Variants in CIP2A observed in about 807,000 individuals in gnomAD.
CIP2A encodes the protein cellular inhibitor of PP2A, also known as protein CIP2A.
A neutral mutation model predicts 110.9 loss-of-function variants in CIP2A; 103 were observed. The observed-to-expected ratio is 0.93, with a 90% confidence interval of 0.79 to 1.09. The LOEUF is 1.09. CIP2A is among the 50% of genes least tolerant of loss of function. The probability of loss-of-function intolerance (pLI) is 0.00; values close to 1 mark genes in which losing one functional copy is unlikely to be tolerated. For missense variants in CIP2A, 1,088 were observed against 1,038.4 expected, an observed-to-expected ratio of 1.05 and a Z score of -0.66; for synonymous variants, 381 against 361.6, an observed-to-expected ratio of 1.05 and a Z score of -0.61.
intron 19 of CIP2A, among the ~76,000 whole-genome samples, chr3:108,553,370 T>C (rs193248114): frequency 8.6e-5 from 13 of 151,948 alleles, no homozygotes; most frequent in Middle Eastern, 3.4e-3. Flanking sequence ...TCAAGCAATC[T>C]ACCCATCTCC....
chr3:108,559,369 A>G (rs1293179154), intron 16 of CIP2A, among the ~76,000 whole-genome samples: 3 of 152,164 alleles, frequency 2.0e-5, no homozygotes, highest in Non-Finnish European at 4.4e-5. Flanking sequence ...TATTTGCTGT[A>G]TATTTAAATG....
At chr3:108,568,015 AAAT>A in intron 10 of CIP2A, 137 bp downstream of exon 10, 1 of 571,908 alleles carries the variant, frequency 1.7e-6, no homozygotes, top group Non-Finnish European at 2.8e-6. Context: ...TCTACAGTTC[AAAT>A]TTTAGTTCAG....
At chr3:108,570,044 G>C (rs1251068902) in intron 8 of CIP2A, among the ~76,000 whole-genome samples, 1 of 151,982 alleles carries the variant, frequency 6.6e-6, no homozygotes, top group African/African-American at 2.4e-5. Flanking sequence ...CCTTCAGGAT[G>C]GTTATTTCCA....
chr3:108,555,437 T>C (rs1410608102), intron 17 of CIP2A, among the ~76,000 whole-genome samples: 2 of 152,064 alleles, frequency 1.3e-5, no homozygotes, highest in Non-Finnish European at 2.9e-5. Flanking sequence ...AACTTAAGAG[T>C]ACCAGTGATA....
intron 9 of CIP2A, among the ~76,000 whole-genome samples, chr3:108,569,067 G>A (rs1374846045): frequency 6.7e-6 from 1 of 148,596 alleles, no homozygotes; most frequent in African/African-American, 2.5e-5. Flanking sequence ...TTGGTAGATG[G>A]CATCTATTGC....
chr3:108,580,657 T>C (rs1295975035), intron 5 of CIP2A, among the ~76,000 whole-genome samples: 2 of 150,732 alleles, frequency 1.3e-5, no homozygotes, highest in African/African-American at 4.9e-5. Context: ...AAGGATGGAG[T>C]CTTACTCTGT....
chr3:108,568,299 C>A lies in CIP2A; in HGVS notation c.1129G>T (p.Ala377Ser). Reference protein sequence around the residue: ...KEIFEDVIDAANCSSADRFVT... With the variant: ...KEIFEDVIDASNCSSADRFVT... ...AAACGATCAGCCGAGGAACAGTTAG[C>A]AGCATCTATGACATCCTGGAGAATT... Residue 377 changes from alanine to serine, a missense_variant, in exon 10 of 21, where the codon GCT becomes TCT. Ala to Ser is a moderately conservative substitution (Grantham distance 99, BLOSUM62 1). Transcript: ENST00000295746. 6.2e-7 allele frequency: 1 copy of A among 1,611,608 alleles called. No individual in the cohort carries two copies. Among genetic ancestry groups the A allele is most frequent in the Middle Eastern group, 1.7e-4 (1 of 6,042 alleles).
At chr3:108,554,518 C>A (rs1200940288) in intron 17 of CIP2A, 29 bp from the exon 18 acceptor site, 2 of 920,798 alleles carry the variant, frequency 2.2e-6, no homozygotes, top group East Asian at 5.2e-5. Flanking sequence ...GAGTTGGCAT[C>A]ATTATGGAGG....
intron 9 of CIP2A, 62 bp downstream of exon 9, chr3:108,569,327 A>C (rs1938304385): frequency 4.2e-6 from 5 of 1,195,922 alleles, no homozygotes; most frequent in African/African-American, 1.5e-5. Context: ...ATGTTTTTGA[A>C]GACAAATTGT....
In CIP2A at chr3:108,573,912, A is replaced by C. The variant is rs559672921; in HGVS notation, c.894+2359T>G. Reference sequence around the variant, plus strand: ...GTACTTCACAACAGACACAAAAGTCACTTGTAGGAAGATTACAGATCTATA... The same window carrying C: ...GTACTTCACAACAGACACAAAAGTCCCTTGTAGGAAGATTACAGATCTATA... On this transcript the variant is annotated intron_variant, in intron 8 of 20. Coordinates refer to ENST00000295746, the MANE Select transcript of CIP2A (RefSeq NM_020890.3). 5.9e-5 allele frequency among the ~76,000 whole-genome samples: 9 copies of C among 152,284 alleles called. No individual in the cohort carries two copies. The South Asian group carries it at 1.5e-3, about 25-fold the overall frequency.
At chr3:108,571,016 C>T (rs970828028) in intron 8 of CIP2A, among the ~76,000 whole-genome samples, 5 of 151,878 alleles carry the variant, frequency 3.3e-5, no homozygotes, top group African/African-American at 1.2e-4. Flanking sequence ...AAAACAAAGA[C>T]ACAAACACAG....
chr3:108,569,482 A>C lies in CIP2A; in HGVS notation c.1020T>G (p.Pro340=). 6.2e-7 allele frequency: 1 copy of C among 1,612,814 alleles called. No individual in the cohort carries two copies. The highest frequency in any genetic ancestry group is 8.5e-7 in the Non-Finnish European group (1 of 1,179,260). ...TLGSHTKCLE[P]TVALLRWLSQ... ...TTAACCAGCGCAGTAGAGCCACAGT[A>C]GGTTCTAAACATTTAGTATGGCTTC... is the stretch of plus-strand genomic sequence containing the variant. The change falls in exon 9 of 21, where the codon CCT becomes CCG. Residue 340 remains proline, a synonymous_variant. Transcript: ENST00000295746.
At chr3:108,564,311 A>T (rs969851515) in intron 12 of CIP2A, among the ~76,000 whole-genome samples, 1 of 152,010 alleles carries the variant, frequency 6.6e-6, no homozygotes, top group Non-Finnish European at 1.5e-5. Flanking sequence ...AAAACATGCC[A>T]GTGGTCCCTG....
At chr3:108,555,840 T>G (rs1280924289) in intron 17 of CIP2A, among the ~76,000 whole-genome samples, 2 of 152,208 alleles carry the variant, frequency 1.3e-5, no homozygotes, top group African/African-American at 4.8e-5. Flanking sequence ...TGTCTGTAAC[T>G]TCCACTTTCC....
rs756073947 is a variant in CIP2A, at chr3:108,585,187, C to A, written c.128G>T (p.Arg43Leu). 1.1e-5 allele frequency: 17 copies of A among 1,610,584 alleles called. No homozygotes were observed. The highest frequency in any genetic ancestry group is 1.7e-5 in the Admixed American group (1 of 59,590). Residue 43 changes from arginine (R) to leucine (L), a missense_variant, in exon 2 of 21, where the codon CGA becomes CTA. Physicochemically the swap from Arg to Leu is moderately radical, Grantham distance 102. Coordinates refer to ENST00000295746, the MANE Select transcript of CIP2A (RefSeq NM_020890.3). ...TAATATCTGATTTGATGTAAATAGTCGTGTGAGTTTCTGTCCAGAAATTAC... is the reference window on the plus strand; with the variant it reads ...TAATATCTGATTTGATGTAAATAGTAGTGTGAGTTTCTGTCCAGAAATTAC... ...LEVISGQKLT[R>L]LFTSNQILTS...
intron 17 of CIP2A, among the ~76,000 whole-genome samples, chr3:108,555,462 G>T (rs964275395): frequency 6.6e-6 from 1 of 152,120 alleles, no homozygotes; most frequent in African/African-American, 2.4e-5. Context: ...ATTCTTTATA[G>T]AACTTAAAGA....
rs773407125 is a variant in CIP2A at position 108,559,756 on chromosome 3, CCT to C, written c.2012_2013del (p.Glu671GlyfsTer6). 2.4e-5 allele frequency: 37 copies of C among 1,554,994 alleles called. No homozygotes were observed. Among genetic ancestry groups the C allele is most frequent in the Non-Finnish European group, 3.2e-5 (36 of 1,136,688 alleles). On this transcript the variant is annotated frameshift_variant and splice_region_variant, in exon 16 of 21. Coordinates refer to ENST00000295746, the MANE Select transcript of CIP2A (RefSeq NM_020890.3). LOFTEE classifies it high-confidence loss of function. ...CAGATGTGTCTTTATATTCTACACACCTCTGTTTCAGCTTGAGTTCTTTGACA... is the reference window on the plus strand; with the variant it reads ...CAGATGTGTCTTTATATTCTACACACCTGTTTCAGCTTGAGTTCTTTGACA... The part of the protein sequence containing the change: ...HRCQRTQAET[E>X]ARTLASMLRE...
rs141636948 is a variant in CIP2A at position 108,586,094 on chromosome 3, T to C, written c.103-882A>G. On this transcript the variant is annotated intron_variant, in intron 1 of 20. Coordinates refer to ENST00000295746, the MANE Select transcript of CIP2A (RefSeq NM_020890.3). ...AGAATAAGACTAACTCTGTCCTGAATACTTATTTTAATAAGATCAAGCCTA... is the reference window on the plus strand; with the variant it reads ...AGAATAAGACTAACTCTGTCCTGAACACTTATTTTAATAAGATCAAGCCTA... Among the ~76,000 whole-genome samples the C allele has an allele frequency of 7.0e-4, 107 of 152,306 alleles. 1 individual carries two copies. Among genetic ancestry groups the C allele is most frequent in the African/African-American group, 2.5e-3 (104 of 41,590 alleles).
chr3:108,558,287 A>T (rs1937881638), intron 16 of CIP2A, among the ~76,000 whole-genome samples: 1 of 152,136 alleles, frequency 6.6e-6, no homozygotes, highest in Non-Finnish European at 1.5e-5. Context: ...AAAGAATACC[A>T]TTATTCTGAA....
Sources: gnomAD v4.1 joint callset for allele counts (sites outside exome capture counted in the v4.1 genomes callset) on GRCh38, gnomAD v4.1.1 for gene constraint, MANE v1.5 for transcripts, NCBI Gene and HGNC (gene_info 2026-07-23, HGNC 2026-07-21) for gene names.